Variants in FAM151B observed in about 807,000 individuals in gnomAD.
FAM151B encodes protein FAM151B.
Under a neutral mutation model 31.2 loss-of-function variants are expected in FAM151B, and 24 were observed. The observed-to-expected ratio is 0.77, with a 90% confidence interval of 0.56 to 1.08. The LOEUF (loss-of-function observed/expected upper bound fraction) is 1.08. FAM151B is among the 50% of genes least tolerant of loss of function. FAM151B has a pLI of 0.00. For missense variants in FAM151B, 293 were observed against 328.6 expected (o/e 0.89, Z 0.84); for synonymous variants, 105 against 111.4 (o/e 0.94, Z 0.36).
At chr5:80,526,779 C>T (rs1330072733) in intron 5 of FAM151B, among the ~76,000 whole-genome samples, 1 of 151,766 alleles carries the variant, frequency 6.6e-6, no homozygotes, top group Non-Finnish European at 1.5e-5. Flanking sequence ...AAGGTATTAT[C>T]AGTAGGGGTG....
intron 5 of FAM151B, among the ~76,000 whole-genome samples, chr5:80,538,462 C>CTTTG: frequency 9.2e-6 from 1 of 109,072 alleles, no homozygotes; most frequent in African/African-American, 3.7e-5. Context: ...TTCTTTCTTT[C>CTTTG]TTTCTTTCTT....
In FAM151B at chr5:80,489,767, C is replaced by A. The variant is rs375342760; in HGVS notation, c.25+1619C>A. On this transcript the variant is annotated intron_variant, in intron 1 of 5. Coordinates refer to ENST00000282226, the MANE Select transcript of FAM151B (RefSeq NM_205548.3). ...GTGAAACCTCGTCTCTACTAAAAATCCAAAATAATTAGCCGGGCGTGGTGG... is the reference window on the plus strand; with the variant it reads ...GTGAAACCTCGTCTCTACTAAAAATACAAAATAATTAGCCGGGCGTGGTGG... Among the ~76,000 whole-genome samples, 16 of 152,136 alleles carry A rather than the reference C, an allele frequency of 1.1e-4. 1 individual carries two copies. Among genetic ancestry groups the A allele is most frequent in the African/African-American group, 3.6e-4 (15 of 41,514 alleles).
rs1287625626 is a variant in FAM151B, at chr5:80,501,780, C to G, written c.26-12C>G. ...AACAATATCACTTTTCATGTAAACA[C>G]TGTTATTTTAGGATCTTGGAGTGAA... On this transcript the variant is annotated splice_polypyrimidine_tract_variant and intron_variant, in intron 1 of 5. Coordinates refer to ENST00000282226, the MANE Select transcript of FAM151B (RefSeq NM_205548.3). The G allele has an allele frequency of 1.9e-6, 3 of 1,576,902 alleles. No individual in the cohort carries two copies. Among genetic ancestry groups the G allele is most frequent in the Non-Finnish European group, 2.6e-6 (3 of 1,158,080 alleles).
intron 3 of FAM151B, among the ~76,000 whole-genome samples, chr5:80,519,436 TCCACAAGTAGTA>T (rs1007607087): frequency 1.3e-5 from 2 of 152,326 alleles, no homozygotes; most frequent in African/African-American, 4.8e-5. Flanking sequence ...CTCTATTTTG[TCCACAAGTAGTA>T]CCACTATTCA....
At position 80,538,372 on chromosome 5, in the gene FAM151B, TTTTCTTTC is replaced by T. The variant is rs1315996184; in HGVS notation, c.672-3231_672-3224del. Among the ~76,000 whole-genome samples the T allele has an allele frequency of 8.4e-3, 942 of 111,588 alleles. 19 individuals carry two copies. Among genetic ancestry groups the T allele is most frequent in the Non-Finnish European group, 0.011 (552 of 50,556 alleles). The allele number at this position is 111,588 out of a possible 152,430, so 73.2% of individuals were successfully genotyped here. The stretch of plus-strand genomic sequence containing the variant: ...ATGAGCCACCGCACCCAGCCTTTCT[TTTTCTTTC>T]TTTCTTTCTTTCTTTCTTTCTTTCT... On this transcript the variant is annotated intron_variant, in intron 5 of 5. Coordinates refer to ENST00000282226, the MANE Select transcript of FAM151B (RefSeq NM_205548.3).
At chr5:80,510,861 G>T (rs1744152222) in intron 2 of FAM151B, 1 of 152,218 alleles carries the variant, frequency 6.6e-6, no homozygotes, top group African/African-American at 2.4e-5. Flanking sequence ...AATTAAAGCT[G>T]CATTTGCATG....
At chr5:80,498,619 C>T in intron 1 of FAM151B, 1 of 837,538 alleles carries the variant, frequency 1.2e-6, no homozygotes, top group Non-Finnish European at 2.0e-6. Context: ...AACACTCCAG[C>T]ACCATCTGAA....
intron 4 of FAM151B, among the ~76,000 whole-genome samples, chr5:80,520,758 C>A: frequency 7.1e-6 from 1 of 140,724 alleles, no homozygotes; most frequent in Non-Finnish European, 1.5e-5. Context: ...TCTATATATA[C>A]ATAGATACTT....
intron 1 of FAM151B, chr5:80,498,675 T>G: frequency 1.6e-6 from 1 of 642,058 alleles, no homozygotes; most frequent in South Asian, 1.4e-5. Flanking sequence ...CTCTTCCACC[T>G]TATAGTATTT....
At position 80,538,456 on chromosome 5, in the gene FAM151B, T is replaced by TC. The variant is rs1561383631; in HGVS notation, c.672-3217_672-3216insC. On this transcript the variant is annotated intron_variant, in intron 5 of 5. Coordinates refer to ENST00000282226, the MANE Select transcript of FAM151B (RefSeq NM_205548.3). ...TCTTTCTTTCTTTCTTTCTCTTTCT[T>TC]TCTTTCTTTCTTTCTTTCTTTCTTT... 4.8e-3 allele frequency among the ~76,000 whole-genome samples: 283 copies of TC among 59,556 alleles called. 4 individuals carry two copies. The highest frequency in any genetic ancestry group is 0.015 in the East Asian group (29 of 1,896). 39.1% of individuals were successfully genotyped at this position (59,556 alleles called of 152,430 possible).
chr5:80,492,771 A>C (rs563192628), intron 1 of FAM151B, among the ~76,000 whole-genome samples: 1 of 152,162 alleles, frequency 6.6e-6, no homozygotes, highest in Non-Finnish European at 1.5e-5. Flanking sequence ...TGGGCAACGT[A>C]TCAAGACCTT....
At chr5:80,538,436 CTTTCTTTCTTTCTCTTTCTTTCTTTCTT>C (rs1745652450) in intron 5 of FAM151B, among the ~76,000 whole-genome samples, 5 of 59,732 alleles carry the variant, frequency 8.4e-5, no homozygotes, top group African/African-American at 3.6e-4. Context: ...TTCTTTCTTT[CTTTCTTTCTTTCTCTTTCTTTCTTTCTT>C]TCTTTCTTTC....
At chr5:80,495,830 CAAAAAAAAAAAAA>C (rs3072031) in intron 1 of FAM151B, among the ~76,000 whole-genome samples, 2 of 88,104 alleles carry the variant, frequency 2.3e-5, no homozygotes, top group African/African-American at 9.3e-5. Context: ...GACTCCGTCT[CAAAAAAAAAAAAA>C]AAAAAAAAAA....
intron 5 of FAM151B, among the ~76,000 whole-genome samples, chr5:80,536,556 A>G (rs944237219): frequency 9.9e-5 from 15 of 152,246 alleles, no homozygotes; most frequent in Admixed American, 5.2e-4. Context: ...ATGTAAACAA[A>G]AGAAAGGAAA....
rs561393689 is a variant in FAM151B at position 80,489,651 on chromosome 5, G to A, written c.25+1503G>A. Among the ~76,000 whole-genome samples the A allele has an allele frequency of 2.2e-4, 33 of 152,346 alleles. No individual in the cohort carries two copies. The East Asian group carries it at 5.2e-3, about 24-fold the overall frequency. Reference sequence around the variant, plus strand: ...TAAAAAACAAATTTTTGGGCCGGGCGCGGTGACTCACGCCCGTAATCCCAG... The same window carrying A: ...TAAAAAACAAATTTTTGGGCCGGGCACGGTGACTCACGCCCGTAATCCCAG... On this transcript the variant is annotated intron_variant, in intron 1 of 5. Coordinates refer to ENST00000282226, the MANE Select transcript of FAM151B (RefSeq NM_205548.3).
rs1320621457 is a variant in FAM151B, at chr5:80,537,646, C to T, written c.672-4027C>T. ...TCCTGTTATAACACATTGGCTATAA[C>T]TCAGTTATGTACCTGTACTTAGTTA... On this transcript the variant is annotated intron_variant, in intron 5 of 5. Transcript: ENST00000282226. 4.6e-5 allele frequency among the ~76,000 whole-genome samples: 7 copies of T among 152,132 alleles called. No individual in the cohort carries two copies. The East Asian group carries it at 9.6e-4, about 21-fold the overall frequency.
chr5:80,532,927 A>T (rs542997185), intron 5 of FAM151B, among the ~76,000 whole-genome samples: 1 of 152,238 alleles, frequency 6.6e-6, no homozygotes, highest in Non-Finnish European at 1.5e-5. Flanking sequence ...TTAAGAAAGA[A>T]ATTGAAAATT....
chr5:80,500,103 A>G (rs1476115085), intron 1 of FAM151B: 1 of 264,212 alleles, frequency 3.8e-6, no homozygotes. Flanking sequence ...TTTCCACATC[A>G]TGGATGAGCC....
At chr5:80,513,852 C>A in intron 3 of FAM151B, 83 bp downstream of exon 3, 1 of 1,293,500 alleles carries the variant, frequency 7.7e-7, no homozygotes, top group South Asian at 1.5e-5. Context: ...GTTATCCAAA[C>A]TGAAAATGGA....
Sources: allele counts gnomAD v4.1 joint callset (sites outside exome capture counted in the v4.1 genomes callset), GRCh38; gene constraint gnomAD v4.1.1; transcripts MANE v1.5; gene names NCBI Gene and HGNC (gene_info 2026-07-23, HGNC 2026-07-21).